Variants in UBAC2 observed in about 807,000 individuals in gnomAD.
UBAC2 encodes ubiquitin-associated domain-containing protein 2.
A neutral mutation model predicts 44.0 loss-of-function variants in UBAC2; 26 were observed. The observed-to-expected ratio is 0.59, with a 90% confidence interval of 0.43 to 0.82. UBAC2 has a LOEUF of 0.82. Ranked by LOEUF, UBAC2 falls within the 40% of genes least tolerant of loss-of-function variation. UBAC2 has a pLI of 0.00. For synonymous variants in UBAC2, 155 were observed against 154.3 expected (o/e 1.00, Z -0.04); for missense variants, 329 against 419.4 (o/e 0.78, Z 1.88).
intron 4 of UBAC2, among the ~76,000 whole-genome samples, chr13:99,259,166 C>G (rs990922005): frequency 6.6e-5 from 10 of 152,048 alleles, no homozygotes; most frequent in Admixed American, 6.5e-4. Flanking sequence ...TCGCTGCCTG[C>G]CTTGTTAGGT....
chr13:99,373,287 A>T (rs1268602272), intron 8 of UBAC2, among the ~76,000 whole-genome samples: 1 of 151,826 alleles, frequency 6.6e-6, no homozygotes, highest in Non-Finnish European at 1.5e-5. Context: ...CCAAAGGGGG[A>T]AAAACTCATC....
chr13:99,255,594 G>T, intron 4 of UBAC2: 1 of 1,614,192 alleles, frequency 6.2e-7, no homozygotes, highest in Non-Finnish European at 8.5e-7. Context: ...GAATCTGGCA[G>T]AAGTACTCTC....
chr13:99,201,647 C>T (rs2042801931), intron 1 of UBAC2: 1 of 1,508,716 alleles, frequency 6.6e-7, no homozygotes, highest in African/African-American at 1.4e-5. Context: ...GTAAGGTAGA[C>T]TGCGTGTTAA....
intron 6 of UBAC2, among the ~76,000 whole-genome samples, chr13:99,324,771 A>G (rs146145562): frequency 6.6e-6 from 1 of 152,332 alleles, no homozygotes; most frequent in African/African-American, 2.4e-5. Context: ...GTGGATTCTA[A>G]TGGAGCATAG....
At chr13:99,201,159 G>T in intron 1 of UBAC2, 1 of 1,356,758 alleles carries the variant, frequency 7.4e-7, no homozygotes, top group Non-Finnish European at 9.5e-7. Context: ...CCCGCCGCCC[G>T]CCCCGACCCC....
intron 6 of UBAC2, among the ~76,000 whole-genome samples, chr13:99,325,982 A>G (rs80138729): frequency 1.8e-3 from 270 of 152,328 alleles, no homozygotes; most frequent in Non-Finnish European, 3.4e-3. Context: ...GGCTATTGCA[A>G]ATAACATGGT....
chr13:99,236,776 G>T (rs1316309618), intron 1 of UBAC2, among the ~76,000 whole-genome samples: 1 of 152,090 alleles, frequency 6.6e-6, no homozygotes, highest in African/African-American at 2.4e-5. Context: ...CTTGAATCCG[G>T]GGGGCAGAGG....
intron 7 of UBAC2, among the ~76,000 whole-genome samples, chr13:99,352,452 T>G (rs2045108123): frequency 6.6e-6 from 1 of 152,228 alleles, no homozygotes; most frequent in Admixed American, 6.5e-5. Flanking sequence ...ATGACTGGCT[T>G]CTTTCGCTGA....
chr13:99,228,168 C>T (rs1008074546), intron 1 of UBAC2, among the ~76,000 whole-genome samples: 2 of 152,212 alleles, frequency 1.3e-5, no homozygotes. Flanking sequence ...GCCCGTTGCA[C>T]TTACATCACC....
intron 1 of UBAC2, among the ~76,000 whole-genome samples, chr13:99,216,125 A>G (rs930195348): frequency 6.0e-5 from 9 of 149,944 alleles, no homozygotes; most frequent in African/African-American, 2.2e-4. Context: ...TTTTTGAGAC[A>G]CAGTCTCACT....
intron 7 of UBAC2, chr13:99,351,491 T>C (rs1290224136): frequency 4.4e-6 from 2 of 455,490 alleles, no homozygotes; most frequent in Non-Finnish European, 8.8e-6. Context: ...CAGAAAAATA[T>C]TTGCCAGTCC....
At chr13:99,255,336 G>C in intron 4 of UBAC2, 1 of 1,614,164 alleles carries the variant, frequency 6.2e-7, no homozygotes, top group Admixed American at 1.7e-5. Context: ...CTTTTAGATA[G>C]ATGATGTCAG....
chr13:99,367,418 C>T (rs915857410), intron 7 of UBAC2, among the ~76,000 whole-genome samples: 2 of 152,248 alleles, frequency 1.3e-5, no homozygotes, highest in African/African-American at 2.4e-5. Context: ...CTTCCTATCA[C>T]ACCCTGCAAA....
At chr13:99,263,347 G>A (rs1225843809) in intron 4 of UBAC2, among the ~76,000 whole-genome samples, 1 of 152,196 alleles carries the variant, frequency 6.6e-6, no homozygotes, top group Non-Finnish European at 1.5e-5. Flanking sequence ...ATGGCCAAAA[G>A]ACTTGAACAA....
intron 5 of UBAC2, among the ~76,000 whole-genome samples, chr13:99,317,479 G>C (rs1281495489): frequency 1.3e-5 from 2 of 152,134 alleles, no homozygotes; most frequent in Non-Finnish European, 2.9e-5. Context: ...TATTTAGTTT[G>C]CTCTTCCTTG....
chr13:99,308,311 T>G (rs997694946), intron 4 of UBAC2, among the ~76,000 whole-genome samples: 3 of 152,188 alleles, frequency 2.0e-5, no homozygotes, highest in African/African-American at 7.2e-5. Flanking sequence ...GAGAACTGAT[T>G]AAATAAGCTG....
chr13:99,282,069 A>T (rs1033754951), intron 4 of UBAC2, among the ~76,000 whole-genome samples: 18 of 152,216 alleles, frequency 1.2e-4, no homozygotes, highest in Admixed American at 7.9e-4. Flanking sequence ...TTTTAGTTGC[A>T]TAACCCTTTG....
chr13:99,296,919 T>C (rs9517675), intron 4 of UBAC2, among the ~76,000 whole-genome samples: 145,719 of 152,262 alleles, frequency 0.96, 70,079 homozygotes, highest in East Asian at 1. Flanking sequence ...ATGCAATCTA[T>C]ACTTCTACCT....
chr13:99,341,238 TC>T (rs1464183491), intron 7 of UBAC2, among the ~76,000 whole-genome samples: 1 of 152,222 alleles, frequency 6.6e-6, no homozygotes, highest in Non-Finnish European at 1.5e-5. Flanking sequence ...ATTTTTCGCC[TC>T]CACCTTCTTT....
Sources: allele counts gnomAD v4.1 joint callset (sites outside exome capture counted in the v4.1 genomes callset), GRCh38; gene constraint gnomAD v4.1.1; transcripts MANE v1.5; gene names NCBI Gene and HGNC (gene_info 2026-07-23, HGNC 2026-07-21).